Variants in BABAM2 observed in about 807,000 individuals in gnomAD.
BABAM2 encodes BRISC and BRCA1 A complex member 2.
A neutral mutation model predicts 54.7 loss-of-function variants in BABAM2; 31 were observed. That is an observed-to-expected ratio of 0.57 (90% CI 0.43 to 0.77). BABAM2 has a LOEUF of 0.77. Ranked by LOEUF, BABAM2 falls within the 30% of genes least tolerant of loss-of-function variation. The pLI is 0.00. For missense variants in BABAM2, 364 were observed against 455.8 expected (o/e 0.80, Z 1.83); for synonymous variants, 167 against 162.9 (o/e 1.03, Z -0.19).
intron 11 of BABAM2, among the ~76,000 whole-genome samples, chr2:28,307,312 T>C (rs1465885041): frequency 6.6e-6 from 1 of 151,836 alleles, no homozygotes; most frequent in Non-Finnish European, 1.5e-5. Flanking sequence ...TGGCCTTAAT[T>C]GGAGTATTTC....
intron 10 of BABAM2, among the ~76,000 whole-genome samples, chr2:28,274,186 C>T (rs1363089015): frequency 6.6e-6 from 1 of 152,164 alleles, no homozygotes; most frequent in Non-Finnish European, 1.5e-5. Flanking sequence ...TCCCACTCAG[C>T]CTTGGCCTCT....
At chr2:28,191,820 C>T (rs775309440) in intron 7 of BABAM2, among the ~76,000 whole-genome samples, 2 of 152,022 alleles carry the variant, frequency 1.3e-5, no homozygotes, top group African/African-American at 2.4e-5. Flanking sequence ...ACGCTATATA[C>T]GTCCATTTTC....
chr2:28,028,133 G>T (rs891334119), intron 5 of BABAM2, among the ~76,000 whole-genome samples: 1 of 152,002 alleles, frequency 6.6e-6, no homozygotes, highest in Non-Finnish European at 1.5e-5. Context: ...TTAATAGTTG[G>T]CGTAGTTCAG....
intron 3 of BABAM2, among the ~76,000 whole-genome samples, chr2:27,983,169 C>G (rs1333524249): frequency 4.6e-5 from 7 of 152,002 alleles, no homozygotes; most frequent in African/African-American, 1.7e-4. Flanking sequence ...TCTCACCCAC[C>G]CTTGTTATTT....
chr2:27,945,156 A>T (rs759647040), intron 3 of BABAM2, among the ~76,000 whole-genome samples: 5 of 152,044 alleles, frequency 3.3e-5, no homozygotes, highest in Non-Finnish European at 5.9e-5. Flanking sequence ...AATAGCTGGG[A>T]CTACAGGCAC....
intron 7 of BABAM2, among the ~76,000 whole-genome samples, chr2:28,144,275 G>A (rs902178361): frequency 8.5e-5 from 13 of 152,114 alleles, no homozygotes; most frequent in Non-Finnish European, 1.3e-4. Flanking sequence ...CTTTCAAAAT[G>A]TTCAGGGACC....
At chr2:28,063,426 A>G (rs1490571008) in intron 6 of BABAM2, among the ~76,000 whole-genome samples, 2 of 152,228 alleles carry the variant, frequency 1.3e-5, no homozygotes, top group Non-Finnish European at 2.9e-5. Flanking sequence ...TATAATCAAA[A>G]TAAAAATTGT....
In BABAM2 at chr2:28,026,815, TA is replaced by T. The variant is rs1558666884; in HGVS notation, c.495+1396del. On this transcript the variant is annotated intron_variant, in intron 5 of 11. Transcript: ENST00000379624. Reference sequence around the variant, plus strand: ...TATATTTATATAAAAAATATATAAATATATATTTATATATATAAATATATAT... The same window carrying T: ...TATATTTATATAAAAAATATATAAATTATATTTATATATATAAATATATAT... 7.2e-4 allele frequency among the ~76,000 whole-genome samples: 60 copies of T among 82,978 alleles called. 6 individuals carry two copies. Among genetic ancestry groups the T allele is most frequent in the African/African-American group, 3.5e-3 (60 of 17,000 alleles). The allele number at this position is 82,978 out of a possible 152,430, so 54.4% of individuals were successfully genotyped here. A position where few individuals can be genotyped will look rare whatever the true frequency, so the allele number is the denominator to read the frequency against.
chr2:28,098,582 G>GTA (rs1666813955), intron 6 of BABAM2, among the ~76,000 whole-genome samples: 1 of 151,952 alleles, frequency 6.6e-6, no homozygotes, highest in Non-Finnish European at 1.5e-5. Flanking sequence ...ATTCAGTCAA[G>GTA]TAGCTACCCT....
At position 28,161,125 on chromosome 2, in the gene BABAM2, C is replaced by T. The variant is rs543758996; in HGVS notation, c.680+31745C>T. Among the ~76,000 whole-genome samples the T allele has an allele frequency of 7.2e-5, 11 of 152,218 alleles. 1 individual carries two copies. In the South Asian group the frequency reaches 1.0e-3, roughly 14 times the overall value. ...TGGGAAATTGCATAAACCAGCCAGA[C>T]GTCTTCAGGGAATTATGGGTAGGCA... On this transcript the variant is annotated intron_variant, in intron 7 of 11. Coordinates refer to ENST00000379624, the MANE Select transcript of BABAM2 (RefSeq NM_199191.3).
At chr2:28,213,904 C>T (rs1679695337) in intron 7 of BABAM2, among the ~76,000 whole-genome samples, 1 of 149,204 alleles carries the variant, frequency 6.7e-6, no homozygotes, top group South Asian at 2.1e-4. Context: ...TAAAAGTACT[C>T]TAGAAATGGA....
intron 10 of BABAM2, among the ~76,000 whole-genome samples, chr2:28,290,566 T>C (rs1016727898): frequency 3.9e-5 from 6 of 152,226 alleles, no homozygotes; most frequent in Admixed American, 3.9e-4. Context: ...TACTGAGTGT[T>C]TCTCATGTGT....
intron 5 of BABAM2, among the ~76,000 whole-genome samples, chr2:28,037,186 A>G (rs953350214): frequency 1.3e-5 from 2 of 152,198 alleles, no homozygotes; most frequent in Non-Finnish European, 2.9e-5. Flanking sequence ...CACCCAAATC[A>G]TACCACTTTC....
chr2:27,955,924 G>C (rs2148417460), intron 3 of BABAM2, among the ~76,000 whole-genome samples: 1 of 151,518 alleles, frequency 6.6e-6, no homozygotes, highest in South Asian at 2.1e-4. Context: ...GTGAGATTTA[G>C]AAAAATGAGC....
At chr2:28,201,567 G>T (rs1397214602) in intron 7 of BABAM2, among the ~76,000 whole-genome samples, 6 of 152,056 alleles carry the variant, frequency 3.9e-5, no homozygotes, top group Non-Finnish European at 7.4e-5. Flanking sequence ...TGTGGCCTTA[G>T]TTGTCACCAG....
chr2:28,108,949 T>C (rs1025607901), intron 6 of BABAM2, among the ~76,000 whole-genome samples: 6 of 152,196 alleles, frequency 3.9e-5, no homozygotes, highest in Non-Finnish European at 2.9e-5. Flanking sequence ...CTGGAAGTTA[T>C]CTCAGTTTCT....
At chr2:28,035,082 T>G (rs369995419) in intron 5 of BABAM2, among the ~76,000 whole-genome samples, 33 of 152,170 alleles carry the variant, frequency 2.2e-4, no homozygotes, top group African/African-American at 6.8e-4. Flanking sequence ...AAAAAACTCA[T>G]TAATGATTTT....
At chr2:28,079,988 T>C (rs1200072798) in intron 6 of BABAM2, among the ~76,000 whole-genome samples, 1 of 152,164 alleles carries the variant, frequency 6.6e-6, no homozygotes, top group African/African-American at 2.4e-5. Flanking sequence ...TGTAGATATA[T>C]TTCTGCAGGG....
At chr2:28,201,425 G>T (rs983272893) in intron 7 of BABAM2, among the ~76,000 whole-genome samples, 1 of 151,862 alleles carries the variant, frequency 6.6e-6, no homozygotes, top group Non-Finnish European at 1.5e-5. Flanking sequence ...TTTATATATG[G>T]ATCTTCAAGT....
Sources: allele counts gnomAD v4.1 joint callset (sites outside exome capture counted in the v4.1 genomes callset), GRCh38; gene constraint gnomAD v4.1.1; transcripts MANE v1.5; gene names NCBI Gene and HGNC (gene_info 2026-07-23, HGNC 2026-07-21).